The following DGKI variants were observed in gnomAD, a reference collection of about 807,000 sequenced individuals.
DGKI encodes DAG kinase iota.
A neutral mutation model predicts 147.5 loss-of-function variants in DGKI; 55 were observed. The ratio of observed to expected loss-of-function variants is 0.37; its 90% CI spans 0.30 to 0.47. DGKI has a LOEUF of 0.47. Ranked by LOEUF, DGKI falls within the 20% of genes least tolerant of loss-of-function variation. DGKI has a pLI of 1.00. For missense variants in DGKI, 1,007 were observed against 1,323.8 expected, an observed-to-expected ratio of 0.76 and a Z score of 3.71; for synonymous variants, 469 against 477.1, an observed-to-expected ratio of 0.98 and a Z score of 0.22.
chr7:137,518,357 C>T (rs967860903), intron 21 of DGKI, among the ~76,000 whole-genome samples: 2 of 152,090 alleles, frequency 1.3e-5, no homozygotes, highest in African/African-American at 2.4e-5. Flanking sequence ...GACTTTTCTA[C>T]TAAATCACCA....
chr7:137,793,073 T>A (rs1796906825), intron 1 of DGKI, among the ~76,000 whole-genome samples: 1 of 152,210 alleles, frequency 6.6e-6, no homozygotes, highest in Non-Finnish European at 1.5e-5. Context: ...AGATAGTTTA[T>A]CTCTTTCCTC....
At chr7:137,397,498 A>G in intron 30 of DGKI, 85 bp from the exon 31 acceptor site, 1 of 1,392,690 alleles carries the variant, frequency 7.2e-7, no homozygotes, top group East Asian at 2.3e-5. Context: ...CAGAATTAAA[A>G]TGCCTTGGAA....
intron 1 of DGKI, among the ~76,000 whole-genome samples, chr7:137,694,261 G>T (rs1256489347): frequency 2.0e-5 from 3 of 151,610 alleles, no homozygotes; most frequent in Admixed American, 6.6e-5. Flanking sequence ...GGCGGAGCCT[G>T]CAGTGAGCGG....
chr7:137,651,791 G>T (rs936039909), intron 5 of DGKI, among the ~76,000 whole-genome samples: 1 of 152,170 alleles, frequency 6.6e-6, no homozygotes, highest in African/African-American at 2.4e-5. Flanking sequence ...TTAGGAAAGG[G>T]TGATGTGAGA....
chr7:137,625,337 G>A (rs1820894186), intron 6 of DGKI, among the ~76,000 whole-genome samples: 1 of 152,100 alleles, frequency 6.6e-6, no homozygotes, highest in Admixed American at 6.5e-5. Context: ...GCAGGCGCCT[G>A]TAATCCCAGC....
chr7:137,657,834 G>A (rs991969585), intron 3 of DGKI, among the ~76,000 whole-genome samples: 34 of 152,158 alleles, frequency 2.2e-4, no homozygotes, highest in Admixed American at 2.2e-3. Context: ...ACTTTGGAGG[G>A]GTAGGATTAG....
Position 137,556,032 on chromosome 7 carries a change from A to G in DGKI, c.1948-3464T>C, listed in dbSNP as rs563546824. Among the ~76,000 whole-genome samples the G allele has an allele frequency of 1.8e-4, 27 of 152,298 alleles. No individual in the cohort carries two copies. The South Asian group carries it at 5.6e-3, about 32-fold the overall frequency. On this transcript the variant is annotated intron_variant, in intron 19 of 32. Coordinates refer to ENST00000614521, the MANE Select transcript of DGKI (RefSeq NM_001321708.2). ...ATAGAAGTTAAAGTTATTATGGTTT[A>G]TTGTTAAGAATCAAGAAATTAAGAA...
rs1398076399 is a variant in DGKI, at chr7:137,411,225, G to C, written c.2799+945C>G. Among the ~76,000 whole-genome samples the C allele has an allele frequency of 5.3e-5, 8 of 152,206 alleles. No individual in the cohort carries two copies. In the East Asian group the frequency reaches 1.2e-3, roughly 22 times the overall value. ...AGGCAGCTGTCATTAATACAGAGCA[G>C]ATCAGTTCCAGCAGGGGGTTTGCAG... On this transcript the variant is annotated intron_variant, in intron 29 of 32. Transcript: ENST00000614521.
In DGKI at chr7:137,572,818, G is replaced by A; in HGVS notation, c.1782C>T (p.Thr594=). Residue 594 remains threonine (T), a synonymous_variant, in exon 18 of 33, where the codon ACC becomes ACT. Coordinates refer to ENST00000614521, the MANE Select transcript of DGKI (RefSeq NM_001321708.2). ...VKVVCDGTDL[T]PKIQELKFQC... is the part of the protein sequence containing the mutation. Reference sequence around the variant, plus strand: ...GGAACTTCAGTTCCTGAATCTTTGGGGTGAGATCTGTTCCATCACACTGAA... The same window carrying A: ...GGAACTTCAGTTCCTGAATCTTTGGAGTGAGATCTGTTCCATCACACTGAA... The A allele has an allele frequency of 6.2e-7, 1 of 1,611,844 alleles. No individual in the cohort carries two copies. Among genetic ancestry groups the A allele is most frequent in the Non-Finnish European group, 8.5e-7 (1 of 1,179,106 alleles).
At chr7:137,473,941 T>G (rs543354402) in intron 23 of DGKI, among the ~76,000 whole-genome samples, 1 of 152,324 alleles carries the variant, frequency 6.6e-6, no homozygotes, top group South Asian at 2.1e-4. Context: ...ACCTGACAAT[T>G]AAACTTCAAT....
Position 137,443,303 on chromosome 7 carries a change from T to C in DGKI, c.2761+774A>G, listed in dbSNP as rs961441550. On this transcript the variant is annotated intron_variant, in intron 28 of 32. Transcript: ENST00000614521. ...TTTTACTATGGAACGATCATTTTGG[T>C]GCTAGCCCGGTATACAGTGTACTAG... Among the ~76,000 whole-genome samples, 7 of 152,256 alleles carry C rather than the reference T, an allele frequency of 4.6e-5. No individual in the cohort carries two copies. The East Asian group carries it at 1.3e-3, about 29-fold the overall frequency.
chr7:137,576,043 C>T (rs13240731), intron 17 of DGKI, among the ~76,000 whole-genome samples: 32 of 135,028 alleles, frequency 2.4e-4, no homozygotes, highest in South Asian at 2.3e-3. Flanking sequence ...TTTTCTTTTT[C>T]TTTTTTTTTT....
rs548316546 is a variant in DGKI at position 137,441,744 on chromosome 7, G to A, written c.2761+2333C>T. On this transcript the variant is annotated intron_variant, in intron 28 of 32. Coordinates refer to ENST00000614521, the MANE Select transcript of DGKI (RefSeq NM_001321708.2). ...GAAAGCAAACAAAATAGAAAATCAA[G>A]AGACGTAAGGTTTTATATTCCAATT... Among the ~76,000 whole-genome samples the A allele has an allele frequency of 7.0e-4, 107 of 152,298 alleles. 1 individual carries two copies. The South Asian group carries it at 0.012, about 17-fold the overall frequency.
At chr7:137,836,783 C>T (rs1798395808) in intron 1 of DGKI, among the ~76,000 whole-genome samples, 1 of 152,226 alleles carries the variant, frequency 6.6e-6, no homozygotes, top group Non-Finnish European at 1.5e-5. Context: ...GACAGTAGCA[C>T]ATGATTATTC....
chr7:137,739,499 C>T (rs1168964595), intron 1 of DGKI, among the ~76,000 whole-genome samples: 4 of 152,116 alleles, frequency 2.6e-5, no homozygotes, highest in Non-Finnish European at 5.9e-5. Context: ...ACGACTAGAC[C>T]TCGAGATCCT....
At chr7:137,401,638 C>A (rs556993070) in intron 30 of DGKI, among the ~76,000 whole-genome samples, 1 of 152,194 alleles carries the variant, frequency 6.6e-6, no homozygotes, top group East Asian at 1.9e-4. Flanking sequence ...TATGCCATCT[C>A]CCCTAAGGAA....
chr7:137,665,633 A>G (rs1259383142), intron 3 of DGKI, among the ~76,000 whole-genome samples: 1 of 152,168 alleles, frequency 6.6e-6, no homozygotes, highest in Non-Finnish European at 1.5e-5. Flanking sequence ...GTAACCTCAG[A>G]TGTGCAGGTA....
chr7:137,459,860 C>T (rs1441619089), intron 27 of DGKI, among the ~76,000 whole-genome samples: 1 of 152,146 alleles, frequency 6.6e-6, no homozygotes, highest in Non-Finnish European at 1.5e-5. Context: ...TTTCTCCCCT[C>T]TCATTTCTTT....
chr7:137,552,658 C>T, intron 19 of DGKI, 90 bp from the exon 20 acceptor site: 2 of 1,418,220 alleles, frequency 1.4e-6, no homozygotes, highest in Middle Eastern at 2.2e-4. Flanking sequence ...CCTGTAATCC[C>T]AGCACTTTGG....
Sources: allele counts gnomAD v4.1 joint callset (sites outside exome capture counted in the v4.1 genomes callset), GRCh38; gene constraint gnomAD v4.1.1; transcripts MANE v1.5; gene names NCBI Gene and HGNC (gene_info 2026-07-23, HGNC 2026-07-21).